PCDH9: variants seen among roughly 807,000 people sequenced by gnomAD.
PCDH9 encodes protocadherin-9.
In PCDH9, 24 loss-of-function variants were observed where a neutral mutation model predicts 70.6. That is an observed-to-expected ratio of 0.34 (90% CI 0.25 to 0.48). The LOEUF is 0.48. Among genes scored for constraint, PCDH9 ranks in the 20% least tolerant of loss-of-function variants. The pLI is 0.99. For synonymous variants in PCDH9, 562 were observed against 558.5 expected, an observed-to-expected ratio of 1.01 and a Z score of -0.09; for missense variants, 1,281 against 1,503.6, an observed-to-expected ratio of 0.85 and a Z score of 2.45.
chr13:66,791,546 T>C (rs2080163806), intron 3 of PCDH9, among the ~76,000 whole-genome samples: 1 of 152,134 alleles, frequency 6.6e-6, no homozygotes, highest in Admixed American at 6.6e-5. Context: ...ATTGTGGTTT[T>C]TGCCAATGAA....
At chr13:67,165,854 T>C (rs2088102194) in intron 2 of PCDH9, among the ~76,000 whole-genome samples, 1 of 152,204 alleles carries the variant, frequency 6.6e-6, no homozygotes, top group Non-Finnish European at 1.5e-5. Context: ...GTGTAACAAA[T>C]CATATTTGAA....
chr13:66,331,724 C>T (rs1955944163), intron 4 of PCDH9, among the ~76,000 whole-genome samples: 1 of 152,122 alleles, frequency 6.6e-6, no homozygotes, highest in East Asian at 1.9e-4. Context: ...CAGAGTATCC[C>T]CTTGAGGGTT....
chr13:66,818,182 A>G (rs1225757119), intron 3 of PCDH9, among the ~76,000 whole-genome samples: 1 of 152,196 alleles, frequency 6.6e-6, no homozygotes, highest in African/African-American at 2.4e-5. Context: ...ATTTAAGTGT[A>G]TAATTACGTT....
intron 4 of PCDH9, among the ~76,000 whole-genome samples, chr13:66,444,650 T>A (rs961321888): frequency 2.0e-5 from 3 of 152,146 alleles, no homozygotes; most frequent in Non-Finnish European, 4.4e-5. Context: ...AACCTCTGCC[T>A]CCTAGGTTCA....
At chr13:66,892,232 A>ATG (rs146383809) in intron 3 of PCDH9, among the ~76,000 whole-genome samples, 6 of 147,878 alleles carry the variant, frequency 4.1e-5, no homozygotes, top group Admixed American at 2.7e-4. Context: ...TATATATATA[A>ATG]TGTGTGTGTG....
At chr13:67,042,480 A>G (rs919775011) in intron 2 of PCDH9, among the ~76,000 whole-genome samples, 4 of 152,112 alleles carry the variant, frequency 2.6e-5, no homozygotes, top group African/African-American at 4.8e-5. Flanking sequence ...AGAAATCAAG[A>G]TCTCAAGTAT....
Position 66,692,112 on chromosome 13 carries a change from T to C in PCDH9, c.3139-60701A>G, listed in dbSNP as rs757387233. On this transcript the variant is annotated intron_variant, in intron 3 of 4. Transcript: ENST00000377865. ...AGGAACATGCTATAACAAAGCTTCT[T>C]TGATATTAGCCTCTACATGGCATGA... Among the ~76,000 whole-genome samples the C allele has an allele frequency of 5.3e-5, 8 of 152,302 alleles. 1 individual carries two copies. The East Asian group carries it at 9.6e-4, about 18-fold the overall frequency.
intron 4 of PCDH9, among the ~76,000 whole-genome samples, chr13:66,552,866 C>T (rs1178349433): frequency 7.2e-5 from 11 of 152,086 alleles, no homozygotes; most frequent in Admixed American, 5.2e-4. Context: ...CACACTTCAG[C>T]GTGACTGGGG....
At chr13:66,880,390 GA>G (rs1386240675) in intron 3 of PCDH9, among the ~76,000 whole-genome samples, 2 of 152,184 alleles carry the variant, frequency 1.3e-5, no homozygotes, top group Non-Finnish European at 2.9e-5. Context: ...GAGAATTGAT[GA>G]GGGATGAGAC....
At chr13:66,726,893 C>G (rs184333943) in intron 3 of PCDH9, among the ~76,000 whole-genome samples, 1 of 152,292 alleles carries the variant, frequency 6.6e-6, no homozygotes, top group East Asian at 1.9e-4. Flanking sequence ...CAAGAAGCTT[C>G]CATCCTACTT....
intron 4 of PCDH9, among the ~76,000 whole-genome samples, chr13:66,386,998 C>A (rs972904272): frequency 5.9e-5 from 9 of 151,944 alleles, no homozygotes; most frequent in Admixed American, 3.9e-4. Context: ...ACCTCTGAGA[C>A]ACAAAAAAAT....
intron 3 of PCDH9, among the ~76,000 whole-genome samples, chr13:66,711,029 T>C (rs1005274468): frequency 6.6e-6 from 1 of 152,138 alleles, no homozygotes; most frequent in Non-Finnish European, 1.5e-5. Flanking sequence ...TTCACAGATA[T>C]TTGAGATTAG....
At chr13:66,362,757 A>G (rs766034056) in intron 4 of PCDH9, among the ~76,000 whole-genome samples, 3 of 152,148 alleles carry the variant, frequency 2.0e-5, no homozygotes, top group African/African-American at 7.2e-5. Flanking sequence ...GATGGGGACT[A>G]AACAGTTGTG....
intron 3 of PCDH9, among the ~76,000 whole-genome samples, chr13:66,837,478 C>T (rs1421677470): frequency 6.6e-6 from 1 of 152,124 alleles, no homozygotes; most frequent in Non-Finnish European, 1.5e-5. Flanking sequence ...ACGACCGCTG[C>T]GTTCCTCTGC....
intron 4 of PCDH9, among the ~76,000 whole-genome samples, chr13:66,523,869 T>C (rs1960103306): frequency 1.3e-5 from 2 of 152,104 alleles, no homozygotes; most frequent in African/African-American, 4.8e-5. Context: ...GAAAAATACT[T>C]AAGCATAAAA....
intron 2 of PCDH9, among the ~76,000 whole-genome samples, chr13:67,148,921 T>C (rs940030551): frequency 6.6e-6 from 1 of 152,168 alleles, no homozygotes; most frequent in African/African-American, 2.4e-5. Flanking sequence ...TATTATATGA[T>C]TTTGCCAGTT....
intron 2 of PCDH9, among the ~76,000 whole-genome samples, chr13:67,156,832 G>A (rs117966985): frequency 0.034 from 5,207 of 152,200 alleles, 244 homozygotes; most frequent in Admixed American, 0.14. Context: ...TAGGGTGGGA[G>A]CCCCACAGCC....
intron 2 of PCDH9, among the ~76,000 whole-genome samples, chr13:67,095,259 T>G (rs2086296894): frequency 6.6e-6 from 1 of 152,134 alleles, no homozygotes; most frequent in Non-Finnish European, 1.5e-5. Context: ...TCCTAACAAC[T>G]CTATATATCA....
At chr13:67,123,232 A>C (rs759789705) in intron 2 of PCDH9, among the ~76,000 whole-genome samples, 4 of 152,166 alleles carry the variant, frequency 2.6e-5, no homozygotes, top group African/African-American at 9.7e-5. Flanking sequence ...AAATAAATAA[A>C]GATTGTCAAC....
Sources: gnomAD v4.1 joint callset for allele counts (sites outside exome capture counted in the v4.1 genomes callset) on GRCh38, gnomAD v4.1.1 for gene constraint, MANE v1.5 for transcripts, NCBI Gene and HGNC (gene_info 2026-07-23, HGNC 2026-07-21) for gene names.